XG: variants seen among roughly 807,000 people sequenced by gnomAD.
The protein encoded by XG is Xg glycoprotein (Xg blood group), also known as glycoprotein Xg.
In XG, 24 loss-of-function variants were observed where a neutral mutation model predicts 25.7. The ratio of observed to expected loss-of-function variants is 0.93; its 90% CI spans 0.68 to 1.31. The LOEUF is 1.31. Among genes scored for constraint, XG ranks in the 40% most tolerant of loss-of-function variants. The pLI is 0.00. For synonymous variants in XG, 77 were observed against 69.2 expected (o/e 1.11, Z -0.56); for missense variants, 181 against 187.6 (o/e 0.96, Z 0.21).
chrX:2,753,771 C>T (rs2050379693), intron 1 of XG, among the ~76,000 whole-genome samples: 1 of 152,018 alleles, frequency 6.6e-6, no homozygotes, highest in South Asian at 2.1e-4. Flanking sequence ...TTAGTAGAGA[C>T]TGGGTTTCAC....
chrX:2,762,027 C>T (rs1469971848), intron 1 of XG, among the ~76,000 whole-genome samples: 1 of 152,168 alleles, frequency 6.6e-6, no homozygotes, highest in African/African-American at 2.4e-5. Flanking sequence ...TGGGCCCAGA[C>T]AGACCTGCTG....
intron 1 of XG, 82 bp downstream of exon 1, chrX:2,752,417 G>A: frequency 2.9e-5 from 47 of 1,599,486 alleles, no homozygotes; most frequent in Non-Finnish European, 3.9e-5. Flanking sequence ...TTCCAAAGGA[G>A]TTGCTATGAA....
chrX:2,805,342 C>T (rs1190035615), intron 7 of XG, among the ~76,000 whole-genome samples: 3 of 112,441 alleles, frequency 2.7e-5, no homozygotes, highest in Non-Finnish European at 5.6e-5. Context: ...AGGGCTGAAG[C>T]AAAAGGGATT....
chrX:2,782,373 C>G (rs1189109485), intron 4 of XG, among the ~76,000 whole-genome samples: 2 of 112,282 alleles, frequency 1.8e-5, no homozygotes, highest in Non-Finnish European at 3.8e-5. Flanking sequence ...AACTGGTTCA[C>G]TTTGTTGGCT....
intron 1 of XG, among the ~76,000 whole-genome samples, chrX:2,758,006 A>C (rs1047425043): frequency 1.3e-4 from 19 of 149,914 alleles, no homozygotes; most frequent in African/African-American, 3.4e-4. Flanking sequence ...AGGAAAAAAA[A>C]GTTATGATGA....
chrX:2,783,356 G>A (rs769511224), intron 4 of XG, among the ~76,000 whole-genome samples: 1 of 74,749 alleles, frequency 1.3e-5, no homozygotes, highest in Non-Finnish European at 2.4e-5. Context: ...GAGTGGGGAG[G>A]GGGGTGGGCA....
chrX:2,783,019 T>C (rs1322459209), intron 4 of XG, among the ~76,000 whole-genome samples: 1 of 111,300 alleles, frequency 9.0e-6, no homozygotes, highest in African/African-American at 3.3e-5. Flanking sequence ...TGGAGTTGGT[T>C]AGGTCTGACC....
At chrX:2,758,649 G>T (rs1301782235) in intron 1 of XG, among the ~76,000 whole-genome samples, 18 of 152,214 alleles carry the variant, frequency 1.2e-4, no homozygotes, top group Admixed American at 1.2e-3. Flanking sequence ...GATATCTTGA[G>T]GCTTTGCGTT....
chrX:2,784,348 C>T (rs1451059147), intron 4 of XG, among the ~76,000 whole-genome samples: 1 of 110,521 alleles, frequency 9.0e-6, no homozygotes, highest in African/African-American at 3.3e-5. Flanking sequence ...TTTGGTAGAC[C>T]GAGGCTGGTG....
chrX:2,756,158 G>T (rs2050430047), intron 1 of XG, among the ~76,000 whole-genome samples: 2 of 152,166 alleles, frequency 1.3e-5, no homozygotes, highest in South Asian at 2.1e-4. Context: ...CCTAATAGAG[G>T]TTGACATTTT....
chrX:2,760,359 T>C (rs1366259455), intron 1 of XG, among the ~76,000 whole-genome samples: 1 of 151,918 alleles, frequency 6.6e-6, no homozygotes, highest in Non-Finnish European at 1.5e-5. Context: ...GTGAGCCAAA[T>C]TGTACCCTCC....
At chrX:2,757,859 C>G (rs1297210851) in intron 1 of XG, among the ~76,000 whole-genome samples, 4 of 149,518 alleles carry the variant, frequency 2.7e-5, no homozygotes, top group Non-Finnish European at 4.4e-5. Flanking sequence ...GTAATCCCAG[C>G]TATTCAGGAG....
intron 1 of XG, among the ~76,000 whole-genome samples, chrX:2,756,880 C>G (rs1432843259): frequency 6.6e-6 from 1 of 152,176 alleles, no homozygotes; most frequent in Non-Finnish European, 1.5e-5. Flanking sequence ...ACCCCCGAAG[C>G]CCTAGTGGGC....
intron 7 of XG, among the ~76,000 whole-genome samples, chrX:2,801,802 G>A (rs1326314088): frequency 1.4e-4 from 16 of 110,824 alleles, no homozygotes; most frequent in Admixed American, 3.8e-4. Flanking sequence ...TCCGCCTCCC[G>A]GGTTCACGCC....
intron 2 of XG, among the ~76,000 whole-genome samples, chrX:2,771,520 G>C (rs2050819569): frequency 1.3e-5 from 2 of 152,192 alleles, no homozygotes; most frequent in South Asian, 4.1e-4. Flanking sequence ...AGTCCTGCTT[G>C]AGGCAGATAG....
intron 7 of XG, among the ~76,000 whole-genome samples, chrX:2,805,999 CT>C (rs1274319713): frequency 8.9e-5 from 10 of 112,055 alleles, no homozygotes; most frequent in Non-Finnish European, 1.9e-4. Context: ...AAAAATTGCT[CT>C]TAACACATTA....
At chrX:2,761,096 C>T (rs1415007651) in intron 1 of XG, among the ~76,000 whole-genome samples, 2 of 152,138 alleles carry the variant, frequency 1.3e-5, no homozygotes, top group East Asian at 1.9e-4. Context: ...TTGAATTGTG[C>T]GTCTCCAAAA....
Position 2,752,196 on chromosome X carries a change from A to G in XG, c.-79A>G, listed in dbSNP as rs1224191532. ...CAAGCTGGGAGACCAGAAGTCAACA[A>G]CAGGAGGGTGGAGAGGCCGGGTCTC... On this transcript the variant is annotated 5_prime_UTR_variant, in exon 1 of 11. Transcript: ENST00000644266. The G allele has an allele frequency of 1.1e-5, 17 of 1,605,282 alleles. No homozygotes were observed. The highest frequency in any genetic ancestry group is 1.4e-5 in the Non-Finnish European group (16 of 1,174,420).
intron 4 of XG, among the ~76,000 whole-genome samples, chrX:2,783,986 C>CAAACA (rs2086759164): frequency 9.0e-6 from 1 of 110,733 alleles, no homozygotes; most frequent in African/African-American, 3.3e-5. Context: ...AAAACCAAAC[C>CAAACA]AAACCAAACC....
Sources: gnomAD v4.1 joint callset for allele counts (sites outside exome capture counted in the v4.1 genomes callset) on GRCh38, gnomAD v4.1.1 for gene constraint, MANE v1.5 for transcripts, NCBI Gene and HGNC (gene_info 2026-07-23, HGNC 2026-07-21) for gene names.